EPS15L1: variants seen among roughly 807,000 people sequenced by gnomAD.
EPS15L1 encodes the protein epidermal growth factor receptor pathway substrate 15 like 1, also known as epidermal growth factor receptor substrate 15-like 1.
A neutral mutation model predicts 117.1 loss-of-function variants in EPS15L1; 43 were observed. The observed-to-expected ratio is 0.37, with a 90% CI of 0.29 to 0.47. The LOEUF is 0.47. Among genes scored for constraint, EPS15L1 ranks in the 20% least tolerant of loss-of-function variants. The pLI, the probability that EPS15L1 is intolerant of heterozygous loss-of-function variation, is 0.99. For synonymous variants in EPS15L1, 459 were observed against 470.5 expected (o/e 0.98, Z 0.32); for missense variants, 981 against 1,164.0 (o/e 0.84, Z 2.29).
chr19:16,427,254 G>A (rs2092881633), intron 8 of EPS15L1, among the ~76,000 whole-genome samples: 1 of 152,138 alleles, frequency 6.6e-6, no homozygotes, highest in Non-Finnish European at 1.5e-5. Context: ...CACTGCACTG[G>A]AGCTGGGGTG....
At chr19:16,400,928 G>A (rs971374590) in intron 16 of EPS15L1, 12 of 985,304 alleles carry the variant, frequency 1.2e-5, no homozygotes, top group African/African-American at 1.7e-5. Context: ...TTCCCTGAAC[G>A]AAGACTGAGC....
rs1181797724 is a variant in EPS15L1 at position 16,464,363 on chromosome 19, A to G, written c.33+7550T>C. ...ACCACTCTGACCAGCGGTAAAACCC[A>G]GTCCAGCGCGAAGGACAGTGGGCAG... On this transcript the variant is annotated intron_variant, in intron 1 of 23. Coordinates refer to ENST00000455140, the MANE Select transcript of EPS15L1 (RefSeq NM_001258374.3). Among the ~76,000 whole-genome samples, 3 of 152,334 alleles carry G rather than the reference A, an allele frequency of 2.0e-5. No homozygotes were observed. In the East Asian group the frequency reaches 5.8e-4, roughly 29 times the overall value.
intron 22 of EPS15L1, among the ~76,000 whole-genome samples, chr19:16,364,695 T>C (rs1020170495): frequency 6.6e-6 from 1 of 152,178 alleles, no homozygotes; most frequent in Non-Finnish European, 1.5e-5. Flanking sequence ...CAGGCAGCTC[T>C]GGCGGGCGGG....
chr19:16,413,403 G>A lies in EPS15L1; in HGVS notation c.1266+370C>T, dbSNP rs1323570261. ...CTGCACTGCCATCCTGGGCAACTTCGACAAGGCCACCTTTGATGCCATCTC... is the reference window on the plus strand; with the variant it reads ...CTGCACTGCCATCCTGGGCAACTTCAACAAGGCCACCTTTGATGCCATCTC... On this transcript the variant is annotated intron_variant, in intron 13 of 23. Transcript: ENST00000455140. The A allele has an allele frequency of 7.0e-6, 5 of 714,806 alleles. No homozygotes were observed. The African/African-American group carries it at 7.0e-5, about 10-fold the overall frequency. 44.3% of individuals were successfully genotyped at this position (714,806 alleles called of 1,614,324 possible). A position where few individuals can be genotyped will look rare whatever the true frequency, so the allele number is the denominator to read the frequency against.
intron 17 of EPS15L1, 113 bp downstream of exon 17, chr19:16,395,231 C>T: frequency 9.9e-7 from 1 of 1,007,250 alleles, no homozygotes; most frequent in Non-Finnish European, 1.4e-6. Context: ...GCATTCCTTT[C>T]CCCCTCCATT....
At position 16,405,531 on chromosome 19, in the gene EPS15L1, G is replaced by A. The variant is rs567042469; in HGVS notation, c.1267-782C>T. ...CCTGGAAGCATACAGCGTGTGCAGA[G>A]GTATACAACGTCTATGACAGCAAAA... On this transcript the variant is annotated intron_variant, in intron 13 of 23. Coordinates refer to ENST00000455140, the MANE Select transcript of EPS15L1 (RefSeq NM_001258374.3). The surrounding 1 kb of genome is among the most constrained non-coding windows in gnomAD (Gnocchi z 4.0). Among the ~76,000 whole-genome samples the A allele has an allele frequency of 3.3e-5, 5 of 152,210 alleles. No homozygotes were observed. The East Asian group carries it at 9.6e-4, about 29-fold the overall frequency.
rs2093345054 is a variant in EPS15L1 at position 16,471,403 on chromosome 19, A to C, written c.33+510T>G. ...GACACAGAGAGGCGCCCGGAGACGT[A>C]CGATCTGCGCCCGGTGCAGGGGTGG... On this transcript the variant is annotated intron_variant, in intron 1 of 23. Transcript: ENST00000455140. The surrounding 1 kb of genome is among the most constrained non-coding windows in gnomAD (Gnocchi z 4.8). Among the ~76,000 whole-genome samples, 1 of 152,180 alleles carries C rather than the reference A, an allele frequency of 6.6e-6. No individual in the cohort carries two copies. The highest frequency in any genetic ancestry group is 2.4e-5 in the African/African-American group (1 of 41,452).
intron 20 of EPS15L1, 74 bp downstream of exon 20, chr19:16,386,096 GA>G: frequency 8.7e-7 from 1 of 1,148,914 alleles, no homozygotes; most frequent in African/African-American, 1.5e-5. Context: ...CTTTGGGAGT[GA>G]AAGTGTTAAC....
At chr19:16,386,077 C>T (rs1026145606) in intron 20 of EPS15L1, 94 bp downstream of exon 20, 1 of 964,096 alleles carries the variant, frequency 1.0e-6, no homozygotes, top group Non-Finnish European at 1.6e-6. Context: ...AACACAGAGG[C>T]CACGCTGGCT....
chr19:16,378,745 C>G (rs2092327190), intron 21 of EPS15L1, among the ~76,000 whole-genome samples: 1 of 152,136 alleles, frequency 6.6e-6, no homozygotes, highest in Non-Finnish European at 1.5e-5. Flanking sequence ...ACAGAAGGGC[C>G]AGCATATCTC....
chr19:16,411,629 G>A (rs1032375489), intron 13 of EPS15L1, among the ~76,000 whole-genome samples: 2 of 152,160 alleles, frequency 1.3e-5, no homozygotes, highest in Non-Finnish European at 2.9e-5. Flanking sequence ...AGATGCTCAA[G>A]TGTGACATAA....
At chr19:16,392,520 T>C in intron 18 of EPS15L1, 80 bp from the exon 19 acceptor site, 1 of 1,341,780 alleles carries the variant, frequency 7.5e-7, no homozygotes, top group Middle Eastern at 1.8e-4. Context: ...CACAGAATGA[T>C]GCCGTTTACA....
chr19:16,372,043 G>A (rs1247769119), intron 22 of EPS15L1, among the ~76,000 whole-genome samples: 3 of 152,180 alleles, frequency 2.0e-5, no homozygotes, highest in Non-Finnish European at 4.4e-5. Context: ...TTCTTGAAAA[G>A]ACCTCCAGGC....
chr19:16,402,546 C>CT (rs34782743), intron 15 of EPS15L1, 61 bp from the exon 16 acceptor site: 21,170 of 1,203,366 alleles, frequency 0.018, 56 homozygotes, highest in African/African-American at 0.056. Context: ...AGAAAAGACG[C>CT]TTTTTTTTTT....
chr19:16,407,113 C>T (rs543957484), intron 13 of EPS15L1, among the ~76,000 whole-genome samples: 1 of 152,268 alleles, frequency 6.6e-6, no homozygotes, highest in East Asian at 1.9e-4. Context: ...TATAAGCCTC[C>T]CAGTGCATGG....
At chr19:16,440,471 C>T (rs905299961) in intron 4 of EPS15L1, among the ~76,000 whole-genome samples, 37 of 152,154 alleles carry the variant, frequency 2.4e-4, no homozygotes, top group Middle Eastern at 3.4e-3. Flanking sequence ...TTTTCTGGCT[C>T]TGATCACTGT....
intron 1 of EPS15L1, among the ~76,000 whole-genome samples, chr19:16,462,536 T>G (rs1321152766): frequency 6.6e-6 from 1 of 152,164 alleles, no homozygotes; most frequent in African/African-American, 2.4e-5. Context: ...CCAGGCTTGG[T>G]GGTGTGCACC....
Position 16,425,302 on chromosome 19 carries a change from C to A in EPS15L1, c.573G>T (p.Val191=). The A allele has an allele frequency of 6.3e-7, 1 of 1,596,716 alleles. No homozygotes were observed. The highest frequency in any genetic ancestry group is 8.5e-7 in the Non-Finnish European group (1 of 1,170,974). ...RDEFAVAMHL[V]YRALEKEPVP... The stretch of plus-strand genomic sequence containing the variant: ...CGGGCTCCTTCTCCAGGGCTCGGTA[C>A]ACCAAGTGCATGGCCTGCAGGTGCA... The change falls in exon 9 of 24, where the codon GTG becomes GTT. Residue 191 remains valine (V), a synonymous_variant. Transcript: ENST00000455140.
chr19:16,395,558 T>G (rs2092531196), intron 16 of EPS15L1, 91 bp from the exon 17 acceptor site: 2 of 1,285,612 alleles, frequency 1.6e-6, no homozygotes, highest in African/African-American at 1.5e-5. Flanking sequence ...CATTTCCACT[T>G]TGAGTAGCAT....
Sources: gnomAD v4.1 joint callset for allele counts (sites outside exome capture counted in the v4.1 genomes callset) on GRCh38, gnomAD v4.1.1 for gene constraint, Gnocchi (gnomAD v3.1) non-coding constraint, MANE v1.5 for transcripts, NCBI Gene and HGNC (gene_info 2026-07-23, HGNC 2026-07-21) for gene names.